The following FAM170A variants were observed in gnomAD, a reference collection of about 807,000 sequenced individuals.
FAM170A encodes the protein protein FAM170A.
FAM170A carries 28 observed loss-of-function variants against 36.6 expected under a neutral mutation model. That is an observed-to-expected ratio of 0.76 (90% CI 0.57 to 1.05). The LOEUF (loss-of-function observed/expected upper bound fraction) is 1.05, where lower values mean the gene tolerates loss of function less well. FAM170A is among the 50% of genes least tolerant of loss of function. The pLI, the probability that FAM170A is intolerant of heterozygous loss-of-function variation, is 0.00. For synonymous variants in FAM170A, 156 were observed against 143.9 expected (o/e 1.08, Z -0.60); for missense variants, 434 against 396.5 (o/e 1.09, Z -0.80).
At chr5:119,629,768 C>T (rs747194439) in exon 1 of FAM170A, 2 of 1,612,546 alleles carry the variant, frequency 1.2e-6, no homozygotes, top group Non-Finnish European at 1.7e-6. Context: ...TAGCTGATAT[C>T]ATGAAACGAC....
exon 2 of FAM170A, chr5:119,632,853 C>T (rs765270260): frequency 1.2e-6 from 2 of 1,612,026 alleles, no homozygotes; most frequent in South Asian, 1.1e-5. Flanking sequence ...GAATACTGCT[C>T]CTGCGTTTCT....
exon 2 of FAM170A, chr5:119,632,756 A>G (rs752430285): frequency 6.3e-6 from 10 of 1,592,862 alleles, no homozygotes; most frequent in South Asian, 3.4e-5. Context: ...AGGAATGTCA[A>G]AGTCCCAAGA....
chr5:119,632,261 C>G (rs560161561), intron 1 of FAM170A, among the ~76,000 whole-genome samples: 3 of 152,248 alleles, frequency 2.0e-5, no homozygotes, highest in East Asian at 3.9e-4. Flanking sequence ...TTCAGTATTC[C>G]TAGAGCCTAG....
chr5:119,629,784 A>T lies in FAM170A; in HGVS notation c.16A>T (p.Lys6Ter). The T allele has an allele frequency of 6.2e-7, 1 of 1,613,406 alleles. No homozygotes were observed. Among genetic ancestry groups the T allele is most frequent in the Non-Finnish European group, 8.5e-7 (1 of 1,179,518 alleles). ...AGCTGATATCATGAAACGACGACAA[A>T]AGAGGAAACATTTGGAAAATGAAGA... The change falls in exon 1 of 5, where the codon AAG (lysine) becomes TAG (stop). Residue 6 changes from lysine to a stop codon, truncating the protein, a stop_gained. Coordinates refer to ENST00000613773, the Ensembl canonical transcript of FAM170A. LOFTEE classifies it high-confidence loss of function.
intron 1 of FAM170A, among the ~76,000 whole-genome samples, chr5:119,630,801 G>A (rs328706): frequency 1.3e-4 from 20 of 152,276 alleles, no homozygotes; most frequent in Non-Finnish European, 2.9e-5. Context: ...GAGGTGGAAG[G>A]TGTGAAGGGT....
exon 3 of FAM170A, chr5:119,634,573 C>T (rs546975610): frequency 6.2e-7 from 1 of 1,613,350 alleles, no homozygotes; most frequent in South Asian, 1.1e-5. Context: ...AATCAGAGAG[C>T]ACCCAAGATG....
exon 3 of FAM170A, chr5:119,634,219 G>C (rs1460238662): frequency 6.2e-7 from 1 of 1,614,244 alleles, no homozygotes. Flanking sequence ...AGCAGCCAAG[G>C]ATGGAAGAAG....
exon 3 of FAM170A, chr5:119,634,575 C>T (rs1313648044): frequency 6.2e-7 from 1 of 1,613,104 alleles, no homozygotes; most frequent in Non-Finnish European, 8.5e-7. Flanking sequence ...TCAGAGAGCA[C>T]CCAAGATGAG....
exon 3 of FAM170A, chr5:119,633,976 T>C (rs781015120): frequency 6.2e-7 from 1 of 1,611,280 alleles, no homozygotes; most frequent in Non-Finnish European, 8.5e-7. Context: ...AGAGAATACA[T>C]CGAGACAGCC....
intron 1 of FAM170A, among the ~76,000 whole-genome samples, chr5:119,631,528 A>G (rs1467250015): frequency 6.6e-6 from 1 of 152,144 alleles, no homozygotes; most frequent in Admixed American, 6.5e-5. Flanking sequence ...AATACACATA[A>G]CAGTGTATAC....
At chr5:119,632,641 A>C (rs1021039708) in intron 1 of FAM170A, 107 bp from the exon 2 acceptor site, 99 of 1,065,264 alleles carry the variant, frequency 9.3e-5, no homozygotes, top group Non-Finnish European at 1.2e-4. Context: ...ATGTGTGTTC[A>C]CTACACCTGA....
At chr5:119,632,884 C>T (rs753915354) in exon 2 of FAM170A, 1 of 1,604,420 alleles carries the variant, frequency 6.2e-7, no homozygotes, top group Admixed American at 1.7e-5. Context: ...AGCTCATCCA[C>T]AGTGGTAAGG....
chr5:119,630,113 G>A (rs1014275277), intron 1 of FAM170A, among the ~76,000 whole-genome samples: 10 of 142,392 alleles, frequency 7.0e-5, no homozygotes, highest in Non-Finnish European at 1.1e-4. Context: ...GGATGGTCTC[G>A]ATCTCCTGAC....
At chr5:119,634,397 A>T in exon 3 of FAM170A, 10 of 1,613,872 alleles carry the variant, frequency 6.2e-6, no homozygotes, top group Non-Finnish European at 8.5e-6. Flanking sequence ...CAGAGCCAAG[A>T]CTCCTGACTG....
intron 2 of FAM170A, 127 bp downstream of exon 2, chr5:119,633,015 C>CCTG: frequency 9.0e-7 from 1 of 1,110,036 alleles, no homozygotes; most frequent in South Asian, 2.0e-5. Flanking sequence ...GGGTGTAAGA[C>CCTG]TCTTTGGGAG....
At chr5:119,630,164 T>TTC (rs1756214319) in intron 1 of FAM170A, among the ~76,000 whole-genome samples, 2 of 142,064 alleles carry the variant, frequency 1.4e-5, no homozygotes, top group Admixed American at 7.0e-5. Context: ...TTTTTTTTTT[T>TTC]TCGTTTCTGA....
At chr5:119,633,781 C>T (rs1756308637) in intron 2 of FAM170A, among the ~76,000 whole-genome samples, 179 bp from the exon 3 acceptor site, 1 of 152,102 alleles carries the variant, frequency 6.6e-6, no homozygotes, top group African/African-American at 2.4e-5. Flanking sequence ...CACCAACATC[C>T]CTACACGCAA....
At chr5:119,629,887 G>A (rs1756203500) in intron 1 of FAM170A, 49 bp downstream of exon 1, 2 of 1,438,054 alleles carry the variant, frequency 1.4e-6, no homozygotes, top group Admixed American at 3.5e-5. Flanking sequence ...TGGCCAGCCT[G>A]AGCCGCCTTC....
chr5:119,631,818 C>T (rs1355365242), intron 1 of FAM170A, among the ~76,000 whole-genome samples: 2 of 152,092 alleles, frequency 1.3e-5, no homozygotes, highest in African/African-American at 4.8e-5. Context: ...AGTCACACAT[C>T]ATACATGCCA....
Sources: gnomAD v4.1 joint callset for allele counts (sites outside exome capture counted in the v4.1 genomes callset) on GRCh38, gnomAD v4.1.1 for gene constraint, MANE v1.5 for transcripts, NCBI Gene and HGNC (gene_info 2026-07-23, HGNC 2026-07-21) for gene names.